The following ALDH1B1 variants were observed in gnomAD, a reference collection of about 807,000 sequenced individuals.
The protein encoded by ALDH1B1 is aldehyde dehydrogenase family 1 member B1, mitochondrial.
Under a neutral mutation model 26.2 loss-of-function variants are expected in ALDH1B1, and 19 were observed. That is an observed-to-expected ratio of 0.72 (90% CI 0.51 to 1.06). The LOEUF (loss-of-function observed/expected upper bound fraction) is 1.06, where lower values mean the gene tolerates loss of function less well. ALDH1B1 is among the 50% of genes least tolerant of loss of function. The pLI is 0.00. For synonymous variants in ALDH1B1, 249 were observed against 286.0 expected, an observed-to-expected ratio of 0.87 and a Z score of 1.31; for missense variants, 671 against 683.1, an observed-to-expected ratio of 0.98 and a Z score of 0.20.
intron 1 of ALDH1B1, 68 bp from the exon 2 acceptor site, chr9:38,395,672 T>G (rs1821263505): frequency 1.3e-6 from 2 of 1,507,188 alleles, no homozygotes; most frequent in African/African-American, 2.8e-5. Context: ...TTTGAGCTGG[T>G]GGGCCCTTGG....
chr9:38,394,522 C>T, intron 1 of ALDH1B1: 1 of 888,988 alleles, frequency 1.1e-6, no homozygotes, highest in Non-Finnish European at 1.3e-6. Flanking sequence ...AAACTCCTGG[C>T]CTCAAGCAGT....
Position 38,396,757 on chromosome 9 carries a change from G to A in ALDH1B1, c.1009G>A (p.Glu337Lys), listed in dbSNP as rs769943513. The A allele has an allele frequency of 6.8e-6, 11 of 1,614,044 alleles. No homozygotes were observed. The highest frequency in any genetic ancestry group is 9.3e-6 in the Non-Finnish European group (11 of 1,180,052). ...AGAATCCATCTACAATGAGTTTCTC[G>A]AGAGAACCGTGGAGAAAGCAAAGCA... ...VEESIYNEFL[E>K]RTVEKAKQRK... Residue 337 changes from glutamate (E) to lysine (K), a missense_variant, in exon 2 of 2, where the codon GAG becomes AAG. Physicochemically the swap from Glu to Lys is moderately conservative, Grantham distance 56 (BLOSUM62 1). Coordinates refer to ENST00000377698, the MANE Select transcript of ALDH1B1 (RefSeq NM_000692.5).
chr9:38,393,508 G>A (rs1038958650), intron 1 of ALDH1B1, among the ~76,000 whole-genome samples: 5 of 152,314 alleles, frequency 3.3e-5, no homozygotes, highest in Middle Eastern at 3.4e-3. Flanking sequence ...GAGTAGGAAC[G>A]GCCTTGGTGT....
At chr9:38,394,179 G>A (rs1198724601) in intron 1 of ALDH1B1, among the ~76,000 whole-genome samples, 2 of 152,328 alleles carry the variant, frequency 1.3e-5, no homozygotes, top group East Asian at 1.9e-4. Context: ...CTGCGCAGAA[G>A]TAAAATTGCT....
chr9:38,394,612 T>C, intron 1 of ALDH1B1: 1 of 985,446 alleles, frequency 1.0e-6, no homozygotes. Context: ...GCCGGGGACC[T>C]ACATGGAGCC....
In ALDH1B1 at chr9:38,397,156, G is replaced by A. The variant is rs751724124; in HGVS notation, c.1408G>A (p.Val470Ile). The A allele has an allele frequency of 1.9e-6, 3 of 1,614,088 alleles. No homozygotes were observed. In the South Asian group the frequency reaches 3.3e-5, roughly 18 times the overall value. The change falls in exon 2 of 2, where the codon GTA (valine) becomes ATA (isoleucine). Residue 470 changes from valine (V) to isoleucine (I), a missense_variant. Coordinates refer to ENST00000377698, the MANE Select transcript of ALDH1B1 (RefSeq NM_000692.5). ...GGCACTCCAGGCCGGGACCGTGTGG[G>A]TAAACACCTACAACATCGTCACCTG... is the stretch of plus-strand genomic sequence containing the variant. Reference protein sequence around the residue: ...TQALQAGTVWVNTYNIVTCHT... With the variant: ...TQALQAGTVWINTYNIVTCHT...
rs1821285562 is a variant in ALDH1B1 at position 38,396,366 on chromosome 9, G to A, written c.618G>A (p.Val206=). Residue 206 remains valine (V), a synonymous_variant, in exon 2 of 2, where the codon GTG becomes GTA. Coordinates refer to ENST00000377698, the MANE Select transcript of ALDH1B1 (RefSeq NM_000692.5). ...CGGCACTCGCCACAGGCAACACTGT[G>A]GTTATGAAGGTGGCAGAGCAGACCC... ...LAPALATGNT[V]VMKVAEQTPL... 6.2e-7 allele frequency: 1 copy of A among 1,614,046 alleles called. No individual in the cohort carries two copies.
At position 38,396,801 on chromosome 9, in the gene ALDH1B1, C is replaced by G. The variant is rs371526798; in HGVS notation, c.1053C>G (p.Pro351=). The G allele has an allele frequency of 1.2e-6, 2 of 1,614,118 alleles. No homozygotes were observed. The highest frequency in any genetic ancestry group is 1.7e-6 in the Non-Finnish European group (2 of 1,180,054). Residue 351 remains proline (P), a synonymous_variant, in exon 2 of 2, where the codon CCC becomes CCG. Coordinates refer to ENST00000377698, the MANE Select transcript of ALDH1B1 (RefSeq NM_000692.5). The part of the protein sequence containing the change: ...EKAKQRKVGN[P]FELDTQQGPQ... ...CAAAGCAGAGGAAAGTGGGGAACCC[C>G]TTTGAGCTGGACACCCAGCAGGGGC...
Position 38,397,530 on chromosome 9 carries a change from T to C in ALDH1B1, c.*228T>C. ...TAACCCCCAACCACAGCCCCCTTGG[T>C]GGCCCATGAGTTGCTTCCATGAAAT... On this transcript the variant is annotated 3_prime_UTR_variant, in exon 2 of 2. Transcript: ENST00000377698. 1.7e-6 allele frequency: 1 copy of C among 602,262 alleles called. No individual in the cohort carries two copies. The allele number at this position is 602,262 out of a possible 1,614,324, so 37.3% of individuals were successfully genotyped here.
chr9:38,396,027 G>C lies in ALDH1B1; in HGVS notation c.279G>C (p.Trp93Cys). The C allele has an allele frequency of 6.2e-7, 1 of 1,613,838 alleles. No homozygotes were observed. Among genetic ancestry groups the C allele is most frequent in the South Asian group, 1.1e-5 (1 of 91,078 alleles). The part of the protein sequence containing the change: ...AREAFRLGSP[W>C]RRMDASERGR... ...AAGCCTTCCGCCTGGGGTCCCCATG[G>C]CGCCGGATGGATGCCTCTGAGCGGG... Residue 93 changes from tryptophan (W) to cysteine (C), a missense_variant, in exon 2 of 2, where the codon TGG becomes TGC. Coordinates refer to ENST00000377698, the MANE Select transcript of ALDH1B1 (RefSeq NM_000692.5).
Position 38,398,286 on chromosome 9 carries a change from G to T in ALDH1B1, c.*984G>T, listed in dbSNP as rs1381578113. 1 of 165,234 alleles carries T rather than the reference G, an allele frequency of 6.1e-6. No individual in the cohort carries two copies. Among genetic ancestry groups the T allele is most frequent in the Non-Finnish European group, 1.5e-5 (1 of 67,642 alleles). 10.2% of individuals were successfully genotyped at this position (165,234 alleles called of 1,614,324 possible). ...AAAACTATGGAATTGTTTAATTATG[G>T]TATATGAATTAATTTCTTTCTTTTT... On this transcript the variant is annotated 3_prime_UTR_variant, in exon 2 of 2. Transcript: ENST00000377698.
rs993936471 is a variant in ALDH1B1, at chr9:38,397,392, C to A, written c.*90C>A. ...CCAAGCTGTTTTAAAGCCAAGAACA[C>A]CCTTTCTTTGTTCCAAATTAACTCT... On this transcript the variant is annotated 3_prime_UTR_variant, in exon 2 of 2. Coordinates refer to ENST00000377698, the MANE Select transcript of ALDH1B1 (RefSeq NM_000692.5). 7.0e-7 allele frequency: 1 copy of A among 1,437,554 alleles called. No individual in the cohort carries two copies. Among genetic ancestry groups the A allele is most frequent in the Non-Finnish European group, 9.2e-7 (1 of 1,083,558 alleles). 89.0% of individuals were successfully genotyped at this position (1,437,554 alleles called of 1,614,324 possible).
In ALDH1B1 at chr9:38,395,820, C is replaced by T; in HGVS notation, c.72C>T (p.Ala24=). ...GRTARYSSAA[A]LPSPILNPDI... is the part of the protein sequence containing the mutation. ...CCGCCCGCTACTCCTCGGCAGCAGC[C>T]CTCCCAAGCCCCATTCTGAACCCAG... Residue 24 remains alanine (A), a synonymous_variant, in exon 2 of 2, where the codon GCC becomes GCT. Coordinates refer to ENST00000377698, the MANE Select transcript of ALDH1B1 (RefSeq NM_000692.5). 6.2e-7 allele frequency: 1 copy of T among 1,612,946 alleles called. No homozygotes were observed. Among genetic ancestry groups the T allele is most frequent in the Non-Finnish European group, 8.5e-7 (1 of 1,179,982 alleles).
chr9:38,396,114 C>G lies in ALDH1B1; in HGVS notation c.366C>G (p.Leu122=). Residue 122 remains leucine (L), a synonymous_variant, in exon 2 of 2, where the codon CTC becomes CTG. Coordinates refer to ENST00000377698, the MANE Select transcript of ALDH1B1 (RefSeq NM_000692.5). Reference sequence around the variant, plus strand: ...GGGATCGAGTCTACTTGGCCTCACTCGAGACCTTGGACAATGGGAAGCCTT... The same window carrying G: ...GGGATCGAGTCTACTTGGCCTCACTGGAGACCTTGGACAATGGGAAGCCTT... The part of the protein sequence containing the change: ...VERDRVYLAS[L]ETLDNGKPFQ... The G allele has an allele frequency of 6.2e-7, 1 of 1,614,192 alleles. No homozygotes were observed. The highest frequency in any genetic ancestry group is 8.5e-7 in the Non-Finnish European group (1 of 1,180,038).
chr9:38,394,443 TATGCTC>T, intron 1 of ALDH1B1: 1 of 282,524 alleles, frequency 3.5e-6, no homozygotes, highest in Non-Finnish European at 5.3e-6. Flanking sequence ...CATGCACCAC[TATGCTC>T]GGCAAATTTA....
intron 1 of ALDH1B1, among the ~76,000 whole-genome samples, chr9:38,393,339 G>A (rs556938069): frequency 1.6e-3 from 243 of 152,322 alleles, no homozygotes; most frequent in Non-Finnish European, 1.3e-3. Flanking sequence ...CTTCCAGAAT[G>A]GGGGTCATCA....
rs773841295 is a variant in ALDH1B1 at position 38,397,034 on chromosome 9, A to C, written c.1286A>C (p.Lys429Thr). Reference protein sequence around the residue: ...GPVQPLFKFKKIEEVVERANN... With the variant: ...GPVQPLFKFKTIEEVVERANN... ...GTGCAGCCCCTGTTCAAGTTCAAGAAGATTGAGGAGGTGGTTGAGAGGGCC... is the reference window on the plus strand; with the variant it reads ...GTGCAGCCCCTGTTCAAGTTCAAGACGATTGAGGAGGTGGTTGAGAGGGCC... The change falls in exon 2 of 2, where the codon AAG (lysine) becomes ACG (threonine). Residue 429 changes from lysine to threonine, a missense_variant. Coordinates refer to ENST00000377698, the MANE Select transcript of ALDH1B1 (RefSeq NM_000692.5). 1 of 1,614,178 alleles carries C rather than the reference A, an allele frequency of 6.2e-7. No individual in the cohort carries two copies. Among genetic ancestry groups the C allele is most frequent in the South Asian group, 1.1e-5 (1 of 91,078 alleles).
At position 38,395,756 on chromosome 9, in the gene ALDH1B1, G is replaced by T; in HGVS notation, c.8G>T (p.Arg3Leu). The change falls in exon 2 of 2, where the codon CGC becomes CTC. Residue 3 changes from arginine to leucine, a missense_variant. Coordinates refer to ENST00000377698, the MANE Select transcript of ALDH1B1 (RefSeq NM_000692.5). Reference sequence around the variant, plus strand: ...CCTCTCCAGAGTGTCAGCATGCTGCGCTTCCTGGCACCCCGGCTGCTTAGC... The same window carrying T: ...CCTCTCCAGAGTGTCAGCATGCTGCTCTTCCTGGCACCCCGGCTGCTTAGC... ML[R>L]FLAPRLLSLQ... 1 of 1,590,246 alleles carries T rather than the reference G, an allele frequency of 6.3e-7. No homozygotes were observed.
Position 38,395,935 on chromosome 9 carries a change from G to A in ALDH1B1, c.187G>A (p.Glu63Lys). ...CCCGACGGTCAACCCTACCACCGGG[G>A]AGGTCATTGGGCACGTGGCTGAAGG... Reference protein sequence around the residue: ...TFPTVNPTTGEVIGHVAEGDR... With the variant: ...TFPTVNPTTGKVIGHVAEGDR... The change falls in exon 2 of 2, where the codon GAG becomes AAG. Residue 63 changes from glutamate to lysine, a missense_variant. Physicochemically the swap from Glu to Lys is moderately conservative, Grantham distance 56. Coordinates refer to ENST00000377698, the MANE Select transcript of ALDH1B1 (RefSeq NM_000692.5). 1 of 1,613,904 alleles carries A rather than the reference G, an allele frequency of 6.2e-7. No individual in the cohort carries two copies. Among genetic ancestry groups the A allele is most frequent in the East Asian group, 2.2e-5 (1 of 44,874 alleles).
Sources: allele counts gnomAD v4.1 joint callset (sites outside exome capture counted in the v4.1 genomes callset), GRCh38; gene constraint gnomAD v4.1.1; transcripts MANE v1.5; gene names NCBI Gene and HGNC (gene_info 2026-07-23, HGNC 2026-07-21).